AK7: variants seen among roughly 807,000 people sequenced by gnomAD.
AK7 encodes adenylate kinase 7.
A neutral mutation model predicts 96.6 loss-of-function variants in AK7; 78 were observed. The ratio of observed to expected loss-of-function variants is 0.81; its 90% confidence interval spans 0.67 to 0.97. AK7 has a LOEUF of 0.97. Ranked by LOEUF, AK7 falls within the 50% of genes least tolerant of loss-of-function variation. The pLI is 0.00. For missense variants in AK7, 855 were observed against 887.9 expected, an observed-to-expected ratio of 0.96 and a Z score of 0.47; for synonymous variants, 302 against 317.2, an observed-to-expected ratio of 0.95 and a Z score of 0.51.
chr14:96,480,920 C>A (rs1292023938), intron 15 of AK7, among the ~76,000 whole-genome samples: 1 of 152,226 alleles, frequency 6.6e-6, no homozygotes, highest in African/African-American at 2.4e-5. Context: ...TCTGCAATGT[C>A]TGGAATGGGG....
intron 4 of AK7, among the ~76,000 whole-genome samples, chr14:96,413,173 G>C (rs1891138973): frequency 6.6e-6 from 1 of 152,182 alleles, no homozygotes. Context: ...GCCAAGATCT[G>C]TTCAGAGATG....
At chr14:96,433,813 C>A (rs754317041) in intron 5 of AK7, among the ~76,000 whole-genome samples, 47 of 152,130 alleles carry the variant, frequency 3.1e-4, no homozygotes, top group Non-Finnish European at 5.0e-4. Context: ...ATTCTTTCTT[C>A]TTTGATCAAT....
At chr14:96,418,224 A>C (rs1352708374) in intron 4 of AK7, among the ~76,000 whole-genome samples, 1 of 149,294 alleles carries the variant, frequency 6.7e-6, no homozygotes, top group Non-Finnish European at 1.5e-5. Flanking sequence ...ACTACTCAGG[A>C]GTCTAGGTGG....
rs1387456605 is a variant in AK7, at chr14:96,404,171, A to AC, written c.295-586_295-585insC. Among the ~76,000 whole-genome samples, 560 of 147,338 alleles carry AC rather than the reference A, an allele frequency of 3.8e-3. 17 individuals are homozygous for AC. Among genetic ancestry groups the AC allele is most frequent in the African/African-American group, 8.7e-3 (348 of 40,056 alleles). On this transcript the variant is annotated intron_variant, in intron 2 of 17. Coordinates refer to ENST00000267584, the MANE Select transcript of AK7 (RefSeq NM_152327.5). ...AAATTAAAAAAAAAAAAAAAAAAAA[A>AC]AACACCAAAAATGATCAGCAAAGCA... is the stretch of plus-strand genomic sequence containing the variant.
At chr14:96,434,047 T>C (rs1461079084) in intron 5 of AK7, among the ~76,000 whole-genome samples, 1 of 152,236 alleles carries the variant, frequency 6.6e-6, no homozygotes, top group African/African-American at 2.4e-5. Flanking sequence ...TTTGCCAGGA[T>C]TGATCCCTGG....
chr14:96,395,053 TG>T (rs1027266141), intron 1 of AK7, among the ~76,000 whole-genome samples: 15 of 152,296 alleles, frequency 9.8e-5, no homozygotes, highest in African/African-American at 3.4e-4. Flanking sequence ...TTTAGAGACA[TG>T]GGTCTCATTA....
At chr14:96,464,232 T>C (rs1894428462) in intron 12 of AK7, among the ~76,000 whole-genome samples, 3 of 151,944 alleles carry the variant, frequency 2.0e-5, no homozygotes, top group African/African-American at 7.3e-5. Flanking sequence ...GGCCATACTA[T>C]AAACAGTGCT....
chr14:96,483,084 A>C lies in AK7; in HGVS notation c.1839A>C (p.Leu613Phe), dbSNP rs568613527. The C allele has an allele frequency of 1.2e-6, 2 of 1,614,210 alleles. No individual in the cohort carries two copies. Among genetic ancestry groups the C allele is most frequent in the Non-Finnish European group, 1.7e-6 (2 of 1,180,040 alleles). Residue 613 changes from leucine to phenylalanine, a missense_variant, in exon 16 of 18, where the codon TTA (leucine) becomes TTC (phenylalanine). Coordinates refer to ENST00000267584, the MANE Select transcript of AK7 (RefSeq NM_152327.5). ...TTGGGGAGCCTCGAAATTATGGTTT[A>C]ACAGACGAAGAAAAGGCAGAAGAGG... ...KEIGEPRNYG[L>F]TDEEKAEEER...
rs572759417 is a variant in AK7, at chr14:96,436,644, A to AAAAC, written c.610-1167_610-1164dup. On this transcript the variant is annotated intron_variant, in intron 5 of 17. Coordinates refer to ENST00000267584, the MANE Select transcript of AK7 (RefSeq NM_152327.5). Reference sequence around the variant, plus strand: ...TGGGCAACAAGTGAAACTCTGTCTCAAAACAAACAAACAAACAAACAAACA... The same window carrying AAAAC: ...TGGGCAACAAGTGAAACTCTGTCTCAAAACAAACAAACAAACAAACAAACAAACA... Among the ~76,000 whole-genome samples, 1,271 of 152,224 alleles carry AAAAC rather than the reference A, an allele frequency of 8.3e-3. 24 individuals are homozygous for AAAAC. The highest frequency in any genetic ancestry group is 0.028 in the African/African-American group (1,157 of 41,502).
intron 4 of AK7, among the ~76,000 whole-genome samples, chr14:96,414,580 C>T (rs1891216043): frequency 6.6e-6 from 1 of 152,088 alleles, no homozygotes; most frequent in Admixed American, 6.6e-5. Flanking sequence ...GAAGGCCACA[C>T]ATAGGAGGCA....
intron 10 of AK7, among the ~76,000 whole-genome samples, chr14:96,453,196 C>T (rs1304602003): frequency 6.6e-6 from 1 of 152,160 alleles, no homozygotes; most frequent in Admixed American, 6.6e-5. Flanking sequence ...CATCTAAGAT[C>T]CTCATGGTGG....
At chr14:96,486,840 T>C in intron 16 of AK7, 58 bp from the exon 17 acceptor site, 1 of 1,511,498 alleles carries the variant, frequency 6.6e-7, no homozygotes, top group Non-Finnish European at 9.2e-7. Flanking sequence ...GTGAACTGTG[T>C]GAGTGTTCTC....
chr14:96,452,430 C>G (rs1566793871), intron 10 of AK7, among the ~76,000 whole-genome samples: 1 of 151,494 alleles, frequency 6.6e-6, no homozygotes, highest in Non-Finnish European at 1.5e-5. Context: ...TCAAGTGATT[C>G]TCGTGCCTCA....
intron 12 of AK7, among the ~76,000 whole-genome samples, chr14:96,465,945 G>T (rs920547218): frequency 2.0e-5 from 3 of 150,216 alleles, no homozygotes; most frequent in African/African-American, 7.5e-5. Flanking sequence ...GGGAGGAGGA[G>T]GTTGCAATGA....
At chr14:96,434,774 T>C (rs1256266056) in intron 5 of AK7, among the ~76,000 whole-genome samples, 1 of 152,160 alleles carries the variant, frequency 6.6e-6, no homozygotes, top group Non-Finnish European at 1.5e-5. Flanking sequence ...GGCGTTCTAT[T>C]GTATTGCGGC....
rs376879537 is a variant in AK7 at position 96,399,136 on chromosome 14, GT to G, written c.294+875del. On this transcript the variant is annotated intron_variant, in intron 2 of 17. Coordinates refer to ENST00000267584, the MANE Select transcript of AK7 (RefSeq NM_152327.5). The surrounding 1 kb of genome is among the most constrained non-coding windows in gnomAD (Gnocchi z 4.1). ...GATCATAGTGCTTTTCACACTCGTT[GT>G]TATCACCTGTCTATCGTGGGGGTCC... 9.2e-5 allele frequency: 14 copies of G among 152,258 alleles called. No individual in the cohort carries two copies. Among genetic ancestry groups the G allele is most frequent in the African/African-American group, 3.4e-4 (14 of 41,522 alleles). 9.4% of individuals were successfully genotyped at this position (152,258 alleles called of 1,614,324 possible). A position where few individuals can be genotyped will look rare whatever the true frequency, so the allele number is the denominator to read the frequency against.
intron 2 of AK7, among the ~76,000 whole-genome samples, chr14:96,400,387 C>A (rs1890340856): frequency 6.6e-6 from 1 of 152,134 alleles, no homozygotes; most frequent in Admixed American, 6.5e-5. Context: ...TTATTAAAGA[C>A]CTTGCTATCT....
intron 4 of AK7, 57 bp from the exon 5 acceptor site, chr14:96,420,765 G>T: frequency 8.3e-7 from 1 of 1,210,854 alleles, no homozygotes. Context: ...TTTAGCCTTA[G>T]AAGTCACACA....
intron 4 of AK7, among the ~76,000 whole-genome samples, chr14:96,414,069 T>G (rs896549083): frequency 1.8e-4 from 28 of 152,320 alleles, no homozygotes; most frequent in African/African-American, 6.3e-4. Context: ...GTAGAGTGGC[T>G]TACACATGGA....
Sources: gnomAD v4.1 joint callset for allele counts (sites outside exome capture counted in the v4.1 genomes callset) on GRCh38, gnomAD v4.1.1 for gene constraint, Gnocchi (gnomAD v3.1) non-coding constraint, MANE v1.5 for transcripts, NCBI Gene and HGNC (gene_info 2026-07-23, HGNC 2026-07-21) for gene names.